The following CCNC variants were observed in gnomAD, a reference collection of about 807,000 sequenced individuals.
CCNC encodes cyclin C, also known as cyclin-C.
Under a neutral mutation model 50.0 loss-of-function variants are expected in CCNC, and 19 were observed. The observed-to-expected ratio is 0.38, with a 90% CI of 0.27 to 0.56. The LOEUF (loss-of-function observed/expected upper bound fraction) is 0.56, where lower values mean the gene tolerates loss of function less well. Among genes scored for constraint, CCNC ranks in the 20% least tolerant of loss-of-function variants. The pLI is 0.72. For missense variants in CCNC, 200 were observed against 327.1 expected, an observed-to-expected ratio of 0.61 and a Z score of 3.00; for synonymous variants, 93 against 103.7, an observed-to-expected ratio of 0.90 and a Z score of 0.63.
chr6:99,563,430 G>A (rs992175761), intron 1 of CCNC, among the ~76,000 whole-genome samples: 4 of 152,150 alleles, frequency 2.6e-5, no homozygotes, highest in African/African-American at 4.8e-5. Context: ...CTCAGAATGT[G>A]TTACACTGAT....
intron 4 of CCNC, among the ~76,000 whole-genome samples, chr6:99,560,265 T>C (rs747924527): frequency 2.0e-5 from 3 of 152,224 alleles, no homozygotes; most frequent in Non-Finnish European, 2.9e-5. Context: ...TACATAGAAT[T>C]ATTAGAATTA....
intron 1 of CCNC, among the ~76,000 whole-genome samples, chr6:99,566,359 A>AT (rs756345433): frequency 2.0e-5 from 3 of 151,828 alleles, no homozygotes; most frequent in Non-Finnish European, 4.4e-5. Flanking sequence ...CAGGATATTG[A>AT]TTTTCTAATA....
intron 5 of CCNC, among the ~76,000 whole-genome samples, chr6:99,556,782 G>A (rs1285436655): frequency 5.9e-5 from 9 of 152,292 alleles, no homozygotes; most frequent in Admixed American, 2.6e-4. Flanking sequence ...TTAGCCCGGC[G>A]TGGTGGCACA....
chr6:99,551,145 A>C, intron 6 of CCNC, 117 bp from the exon 7 acceptor site: 1 of 449,530 alleles, frequency 2.2e-6, no homozygotes, highest in Non-Finnish European at 3.5e-6. Flanking sequence ...TTTACTAAAA[A>C]GTTTTAAAAA....
intron 1 of CCNC, among the ~76,000 whole-genome samples, chr6:99,565,933 A>C (rs1468031111): frequency 6.6e-6 from 1 of 152,012 alleles, no homozygotes; most frequent in Non-Finnish European, 1.5e-5. Context: ...TCATGGCTTC[A>C]TAAAGAGAAT....
intron 11 of CCNC, 87 bp downstream of exon 11, chr6:99,545,025 A>G: frequency 1.5e-6 from 1 of 660,812 alleles, no homozygotes; most frequent in Non-Finnish European, 2.6e-6. Context: ...AAATGTTTTA[A>G]AAACTACAAA....
intron 11 of CCNC, chr6:99,544,029 A>C (rs1234739552): frequency 5.4e-6 from 6 of 1,104,940 alleles, no homozygotes; most frequent in Non-Finnish European, 6.9e-6. Flanking sequence ...AAAAAAAAAA[A>C]CCAAAACTGT....
In CCNC at chr6:99,543,508, C is replaced by T; in HGVS notation, c.*47G>A. ...ACTGAAGACATTACTGAAATCTGTC[C>T]AATGGTTTATTTCCAAGTGGTCCAC... On this transcript the variant is annotated 3_prime_UTR_variant, in exon 12 of 12. Transcript: ENST00000520429. 1.2e-6 allele frequency: 2 copies of T among 1,601,100 alleles called. No individual in the cohort carries two copies. Among genetic ancestry groups the T allele is most frequent in the Admixed American group, 1.7e-5 (1 of 59,744 alleles).
At chr6:99,558,575 T>A (rs770730817) in intron 4 of CCNC, 27 bp from the exon 5 acceptor site, 7 of 1,583,740 alleles carry the variant, frequency 4.4e-6, no homozygotes, top group Non-Finnish European at 6.0e-6. Context: ...AGGTACATGT[T>A]AACCCAATGA....
At chr6:99,561,288 T>C in intron 4 of CCNC, 79 bp downstream of exon 4, 4 of 869,182 alleles carry the variant, frequency 4.6e-6, no homozygotes, top group Non-Finnish European at 7.8e-6. Context: ...TAATTTTACA[T>C]AGGCCATGTG....
intron 9 of CCNC, 141 bp from the exon 10 acceptor site, chr6:99,546,615 C>A: frequency 1.7e-6 from 1 of 581,142 alleles, no homozygotes; most frequent in Non-Finnish European, 3.1e-6. Flanking sequence ...AGAGTTACCA[C>A]TGACCATCTC....
intron 5 of CCNC, among the ~76,000 whole-genome samples, chr6:99,553,601 C>A (rs957998628): frequency 6.6e-6 from 1 of 152,126 alleles, no homozygotes; most frequent in Non-Finnish European, 1.5e-5. Flanking sequence ...TAACCTTCCT[C>A]CTTCAGTAAA....
At chr6:99,546,541 G>T (rs1802078154) in intron 9 of CCNC, 67 bp from the exon 10 acceptor site, 1 of 994,460 alleles carries the variant, frequency 1.0e-6, no homozygotes, top group East Asian at 2.4e-5. Context: ...ATCTAACAAA[G>T]ATTTTTCACT....
chr6:99,545,996 T>C (rs1802053304), intron 10 of CCNC, among the ~76,000 whole-genome samples: 1 of 151,774 alleles, frequency 6.6e-6, no homozygotes, highest in Admixed American at 6.6e-5. Context: ...TTAAACGGAG[T>C]CTCGCTCTGT....
intron 11 of CCNC, 46 bp from the exon 12 acceptor site, chr6:99,543,655 C>A (rs961974172): frequency 6.2e-7 from 1 of 1,606,388 alleles, no homozygotes; most frequent in South Asian, 1.1e-5. Flanking sequence ...TTAAAAGATC[C>A]ATTTTTACAC....
At chr6:99,543,879 G>C in intron 11 of CCNC, 1 of 1,295,992 alleles carries the variant, frequency 7.7e-7, no homozygotes, top group African/African-American at 1.5e-5. Flanking sequence ...TTAAATTAGG[G>C]TATGGGATTT....
At chr6:99,568,173 C>G (rs1257207343) in intron 1 of CCNC, 4 of 419,264 alleles carry the variant, frequency 9.5e-6, no homozygotes, top group Admixed American at 3.6e-5. Context: ...TCACACTTCC[C>G]GTACCTGTGC....
At chr6:99,565,388 TAA>T (rs1562495696) in intron 1 of CCNC, among the ~76,000 whole-genome samples, 1 of 152,084 alleles carries the variant, frequency 6.6e-6, no homozygotes, top group East Asian at 1.9e-4. Flanking sequence ...TTTCTGTTGC[TAA>T]TGTAAATTAT....
chr6:99,546,091 G>A (rs773327080), intron 10 of CCNC, among the ~76,000 whole-genome samples: 3 of 151,914 alleles, frequency 2.0e-5, no homozygotes, highest in Non-Finnish European at 2.9e-5. Context: ...TCAGCCTCCC[G>A]AGTAGCTGGG....
Sources: gnomAD v4.1 joint callset for allele counts (sites outside exome capture counted in the v4.1 genomes callset) on GRCh38, gnomAD v4.1.1 for gene constraint, MANE v1.5 for transcripts, NCBI Gene and HGNC (gene_info 2026-07-23, HGNC 2026-07-21) for gene names.